PTPRG: variants seen among roughly 807,000 people sequenced by gnomAD.
PTPRG encodes the protein receptor-type tyrosine-protein phosphatase gamma.
In PTPRG, 102 loss-of-function variants were observed where a neutral mutation model predicts 165.3. That is an observed-to-expected ratio of 0.62 (90% CI 0.53 to 0.73). The LOEUF is 0.73. PTPRG is among the 30% of genes least tolerant of loss of function. The probability of loss-of-function intolerance (pLI) is 0.00; values close to 1 mark genes in which losing one functional copy is unlikely to be tolerated. For synonymous variants in PTPRG, 675 were observed against 669.5 expected, an observed-to-expected ratio of 1.01 and a Z score of -0.13; for missense variants, 1,866 against 1,861.4, an observed-to-expected ratio of 1.00 and a Z score of -0.05.
chr3:61,752,501 A>AAT (rs781493056), intron 2 of PTPRG, among the ~76,000 whole-genome samples: 1 of 152,048 alleles, frequency 6.6e-6, no homozygotes, highest in Non-Finnish European at 1.5e-5. Context: ...TCTTATAGAA[A>AAT]AAGTTTGCTG....
intron 10 of PTPRG, 111 bp from the exon 11 acceptor site, chr3:62,201,394 T>C: frequency 1.2e-6 from 1 of 864,802 alleles, no homozygotes. Flanking sequence ...TACAGAATAA[T>C]ATTTTGACAT....
chr3:61,578,364 T>C (rs933393993), intron 1 of PTPRG, among the ~76,000 whole-genome samples: 1 of 152,196 alleles, frequency 6.6e-6, no homozygotes, highest in African/African-American at 2.4e-5. Context: ...GCTTTATAAT[T>C]TCATGTATTT....
chr3:62,080,303 C>A (rs1488562350), intron 5 of PTPRG, among the ~76,000 whole-genome samples: 1 of 151,328 alleles, frequency 6.6e-6, no homozygotes, highest in Non-Finnish European at 1.5e-5. Flanking sequence ...GTTAAACTCT[C>A]AACCTCACGT....
chr3:61,805,203 G>A (rs1300087046), intron 2 of PTPRG, among the ~76,000 whole-genome samples: 1 of 152,084 alleles, frequency 6.6e-6, no homozygotes, highest in African/African-American at 2.4e-5. Flanking sequence ...GGCAATGTTT[G>A]GAGACATTTT....
chr3:61,592,695 ACT>A (rs1173762698), intron 1 of PTPRG, among the ~76,000 whole-genome samples: 1 of 124,978 alleles, frequency 8.0e-6, no homozygotes, highest in South Asian at 2.4e-4. Flanking sequence ...TAGCTTGTGG[ACT>A]CTCTCAATAT....
chr3:62,193,743 G>A, intron 9 of PTPRG, among the ~76,000 whole-genome samples: 1 of 152,288 alleles, frequency 6.6e-6, no homozygotes, highest in Non-Finnish European at 1.5e-5. Context: ...AGCAGGTGTG[G>A]CCACAATAAC....
At chr3:62,175,885 A>G (rs757238143) in intron 8 of PTPRG, among the ~76,000 whole-genome samples, 2 of 152,168 alleles carry the variant, frequency 1.3e-5, no homozygotes, top group Non-Finnish European at 1.5e-5. Context: ...ATGGGATCCA[A>G]CCTAGAGCGA....
intron 2 of PTPRG, among the ~76,000 whole-genome samples, chr3:61,780,058 C>T (rs1423234482): frequency 1.3e-5 from 2 of 152,182 alleles, no homozygotes; most frequent in African/African-American, 4.8e-5. Context: ...CTAAGACACA[C>T]TACCTTAAGA....
chr3:61,580,183 T>C (rs1197623616), intron 1 of PTPRG, among the ~76,000 whole-genome samples: 4 of 152,086 alleles, frequency 2.6e-5, no homozygotes, highest in Admixed American at 2.6e-4. Flanking sequence ...CGGTGGAACC[T>C]GTAATCCCAG....
At chr3:61,675,289 T>C (rs1055233204) in intron 1 of PTPRG, among the ~76,000 whole-genome samples, 2 of 152,190 alleles carry the variant, frequency 1.3e-5, no homozygotes, top group Non-Finnish European at 2.9e-5. Flanking sequence ...TAGGCTAGAA[T>C]GGTAAGGTTT....
intron 5 of PTPRG, among the ~76,000 whole-genome samples, chr3:62,087,391 G>A (rs1701787562): frequency 6.6e-6 from 1 of 152,124 alleles, no homozygotes; most frequent in African/African-American, 2.4e-5. Context: ...ATTCACAACC[G>A]TTCTTACCTC....
intron 2 of PTPRG, among the ~76,000 whole-genome samples, chr3:61,890,831 AG>A (rs1450677631): frequency 6.6e-6 from 1 of 152,202 alleles, no homozygotes; most frequent in Non-Finnish European, 1.5e-5. Context: ...TGCTTATGTA[AG>A]TGTGAGAGAA....
chr3:61,839,975 G>A (rs1213944428), intron 2 of PTPRG, among the ~76,000 whole-genome samples: 1 of 152,174 alleles, frequency 6.6e-6, no homozygotes, highest in African/African-American at 2.4e-5. Context: ...CAAAAAAGCT[G>A]CTATTAAAAT....
chr3:62,032,945 T>C (rs1385084566), intron 4 of PTPRG, among the ~76,000 whole-genome samples: 1 of 152,182 alleles, frequency 6.6e-6, no homozygotes, highest in African/African-American at 2.4e-5. Context: ...ACCTGCAAGA[T>C]AACATTGAAA....
chr3:62,044,687 CAAT>C (rs943691722), intron 4 of PTPRG, among the ~76,000 whole-genome samples: 1 of 152,072 alleles, frequency 6.6e-6, no homozygotes, highest in Admixed American at 6.6e-5. Flanking sequence ...TAAAAATAAT[CAAT>C]AACATATTGT....
intron 1 of PTPRG, among the ~76,000 whole-genome samples, chr3:61,629,297 G>A (rs1327993579): frequency 6.6e-6 from 1 of 152,090 alleles, no homozygotes; most frequent in Non-Finnish European, 1.5e-5. Context: ...TGGGATTACA[G>A]GCACCCACCA....
chr3:61,848,486 T>C (rs1048600613), intron 2 of PTPRG, among the ~76,000 whole-genome samples: 1 of 152,224 alleles, frequency 6.6e-6, no homozygotes, highest in African/African-American at 2.4e-5. Context: ...TTTTATCTTT[T>C]CCAAGTTAAG....
intron 5 of PTPRG, among the ~76,000 whole-genome samples, chr3:62,084,523 A>G (rs980283897): frequency 1.3e-5 from 2 of 152,188 alleles, no homozygotes; most frequent in African/African-American, 4.8e-5. Flanking sequence ...TTGCGAACCC[A>G]TTCTTTATAT....
intron 4 of PTPRG, among the ~76,000 whole-genome samples, chr3:62,022,479 A>G (rs1324677241): frequency 1.3e-5 from 2 of 152,172 alleles, no homozygotes; most frequent in Non-Finnish European, 2.9e-5. Context: ...GGAAAGTTCA[A>G]CAGGTTTTAC....
Sources: gnomAD v4.1 joint callset for allele counts (sites outside exome capture counted in the v4.1 genomes callset) on GRCh38, gnomAD v4.1.1 for gene constraint, MANE v1.5 for transcripts, NCBI Gene and HGNC (gene_info 2026-07-23, HGNC 2026-07-21) for gene names.